NALF1: variants seen among roughly 807,000 people sequenced by gnomAD.
NALF1 encodes the protein NALCN channel auxiliary factor 1.
In NALF1, 3 loss-of-function variants were observed where a neutral mutation model predicts 48.4. That is an observed-to-expected ratio of 0.06 (90% CI 0.03 to 0.16). The LOEUF (loss-of-function observed/expected upper bound fraction) is 0.16, where lower values mean the gene tolerates loss of function less well. Among genes scored for constraint, NALF1 ranks in the 10% least tolerant of loss-of-function variants. The probability of loss-of-function intolerance (pLI) is 1.00; values close to 1 mark genes in which losing one functional copy is unlikely to be tolerated. For synonymous variants in NALF1, 262 were observed against 245.7 expected (o/e 1.07, Z -0.62); for missense variants, 526 against 571.5 (o/e 0.92, Z 0.81).
intron 1 of NALF1, among the ~76,000 whole-genome samples, chr13:107,772,148 C>T (rs1478762521): frequency 1.3e-5 from 2 of 152,090 alleles, no homozygotes; most frequent in Admixed American, 6.5e-5. Context: ...ACACACGTAT[C>T]GTATCTAGGG....
intron 1 of NALF1, among the ~76,000 whole-genome samples, chr13:107,430,358 T>C (rs968418645): frequency 6.6e-6 from 1 of 152,136 alleles, no homozygotes; most frequent in African/African-American, 2.4e-5. Flanking sequence ...GTTACATATG[T>C]ATACATGTGC....
chr13:107,849,779 CT>C (rs375264425), intron 1 of NALF1, among the ~76,000 whole-genome samples: 215 of 152,234 alleles, frequency 1.4e-3, no homozygotes, highest in African/African-American at 4.8e-3. Context: ...TCTTCTTTTC[CT>C]TTTTTCTTTC....
chr13:107,567,290 T>C (rs1213146904), intron 1 of NALF1, among the ~76,000 whole-genome samples: 3 of 152,218 alleles, frequency 2.0e-5, no homozygotes, highest in Non-Finnish European at 2.9e-5. Flanking sequence ...CATATTTTAA[T>C]TGATAGCAAA....
chr13:107,754,333 A>G (rs111933569), intron 1 of NALF1, among the ~76,000 whole-genome samples: 2 of 147,818 alleles, frequency 1.4e-5, no homozygotes, highest in Non-Finnish European at 3.0e-5. Flanking sequence ...TTACCTAGGA[A>G]TTGTATTTTT....
At chr13:107,491,477 AG>A (rs1875111077) in intron 1 of NALF1, among the ~76,000 whole-genome samples, 2 of 152,202 alleles carry the variant, frequency 1.3e-5, no homozygotes, top group Non-Finnish European at 2.9e-5. Context: ...CCAGTGATTC[AG>A]AGACTGAGCC....
At chr13:107,657,778 C>T (rs979928182) in intron 1 of NALF1, among the ~76,000 whole-genome samples, 2 of 152,152 alleles carry the variant, frequency 1.3e-5, no homozygotes, top group Non-Finnish European at 2.9e-5. Context: ...CATATGCTAA[C>T]AACTGAAATG....
chr13:107,669,516 T>C (rs1449929937), intron 1 of NALF1, among the ~76,000 whole-genome samples: 1 of 152,140 alleles, frequency 6.6e-6, no homozygotes, highest in Non-Finnish European at 1.5e-5. Flanking sequence ...GCTAAAAATA[T>C]TGGATTCTCT....
intron 2 of NALF1, among the ~76,000 whole-genome samples, chr13:107,182,131 C>T (rs1352782834): frequency 6.6e-6 from 1 of 152,090 alleles, no homozygotes; most frequent in Non-Finnish European, 1.5e-5. Flanking sequence ...TTCGTCATCG[C>T]CTAATCACAT....
At chr13:107,427,042 AATT>A (rs1326138759) in intron 1 of NALF1, among the ~76,000 whole-genome samples, 2 of 151,774 alleles carry the variant, frequency 1.3e-5, no homozygotes, top group Non-Finnish European at 2.9e-5. Context: ...CAATTACCCC[AATT>A]ATTATTATAT....
intron 1 of NALF1, among the ~76,000 whole-genome samples, chr13:107,283,728 C>T (rs555082774): frequency 2.0e-5 from 3 of 151,886 alleles, no homozygotes; most frequent in Admixed American, 1.3e-4. Context: ...GGCGCAAACT[C>T]GGTTCATTGC....
At chr13:107,533,011 A>G (rs1049937454) in intron 1 of NALF1, among the ~76,000 whole-genome samples, 8 of 152,280 alleles carry the variant, frequency 5.3e-5, no homozygotes, top group African/African-American at 1.9e-4. Context: ...CTGGAAATTT[A>G]AAACATCATT....
intron 1 of NALF1, among the ~76,000 whole-genome samples, chr13:107,508,335 T>C (rs1377483150): frequency 6.6e-6 from 1 of 151,322 alleles, no homozygotes; most frequent in Non-Finnish European, 1.5e-5. Flanking sequence ...TATATTAATG[T>C]ACATATTACA....
At chr13:107,489,046 G>A (rs1013950675) in intron 1 of NALF1, among the ~76,000 whole-genome samples, 2 of 151,950 alleles carry the variant, frequency 1.3e-5, no homozygotes, top group Admixed American at 6.6e-5. Context: ...AATAAAATAC[G>A]TAGGAATACA....
chr13:107,597,161 T>A (rs1203027033), intron 1 of NALF1, among the ~76,000 whole-genome samples: 1 of 152,132 alleles, frequency 6.6e-6, no homozygotes, highest in African/African-American at 2.4e-5. Flanking sequence ...ATAAGGTGAA[T>A]AAACAGATTT....
intron 1 of NALF1, among the ~76,000 whole-genome samples, chr13:107,544,755 C>T (rs533887460): frequency 6.6e-6 from 1 of 152,254 alleles, no homozygotes; most frequent in South Asian, 2.1e-4. Flanking sequence ...GGACTTTCAT[C>T]CCTGCCTTGA....
intron 1 of NALF1, among the ~76,000 whole-genome samples, chr13:107,290,225 T>C (rs1432670681): frequency 6.6e-6 from 1 of 151,416 alleles, no homozygotes; most frequent in Non-Finnish European, 1.5e-5. Flanking sequence ...CCACAAATTA[T>C]GTTCAATGAG....
rs191138310 is a variant in NALF1 at position 107,243,909 on chromosome 13, G to A, written c.916-33154C>T. On this transcript the variant is annotated intron_variant, in intron 1 of 2. Coordinates refer to ENST00000375915, the MANE Select transcript of NALF1 (RefSeq NM_001080396.3). ...ATTCACCCAATTTAGCCAAAGAAATGGGGGGCTTCCACCTCCTACCCTAAT... is the reference window on the plus strand; with the variant it reads ...ATTCACCCAATTTAGCCAAAGAAATAGGGGGCTTCCACCTCCTACCCTAAT... Among the ~76,000 whole-genome samples, 7 of 152,180 alleles carry A rather than the reference G, an allele frequency of 4.6e-5. No individual in the cohort carries two copies. The East Asian group carries it at 1.4e-3, about 30-fold the overall frequency.
At chr13:107,656,343 C>T (rs1880574361) in intron 1 of NALF1, among the ~76,000 whole-genome samples, 1 of 151,892 alleles carries the variant, frequency 6.6e-6, no homozygotes, top group Non-Finnish European at 1.5e-5. Flanking sequence ...AAAAAGTGAG[C>T]TAAGAACATG....
At chr13:107,615,659 G>T (rs1348899803) in intron 1 of NALF1, among the ~76,000 whole-genome samples, 1 of 152,172 alleles carries the variant, frequency 6.6e-6, no homozygotes, top group East Asian at 1.9e-4. Context: ...AACTCTCTGT[G>T]TGCCCTGATA....
Sources: allele counts gnomAD v4.1 joint callset (sites outside exome capture counted in the v4.1 genomes callset), GRCh38; gene constraint gnomAD v4.1.1; transcripts MANE v1.5; gene names NCBI Gene and HGNC (gene_info 2026-07-23, HGNC 2026-07-21).